Variants in CLSPN observed in about 807,000 individuals in gnomAD.
CLSPN encodes the protein claspin homolog.
Under a neutral mutation model 156.3 loss-of-function variants are expected in CLSPN, and 85 were observed. The observed-to-expected ratio is 0.54, with a 90% CI of 0.46 to 0.65. The LOEUF is 0.65. Among genes scored for constraint, CLSPN ranks in the 30% least tolerant of loss-of-function variants. CLSPN has a pLI of 0.00. For missense variants in CLSPN, 1,407 were observed against 1,554.9 expected (o/e 0.90, Z 1.60); for synonymous variants, 534 against 542.4 (o/e 0.98, Z 0.22).
downstream of CLSPN, among the ~76,000 whole-genome samples, chr1:35,728,591 A>G (rs1399657989): frequency 6.6e-6 from 1 of 152,234 alleles, no homozygotes; most frequent in East Asian, 1.9e-4. Context: ...TCTTTGGAAC[A>G]ATAACATTGA....
intron 1 of CLSPN, among the ~76,000 whole-genome samples, chr1:35,768,342 T>A (rs932353621): frequency 4.0e-5 from 6 of 151,212 alleles, no homozygotes; most frequent in African/African-American, 1.5e-4. Context: ...CACTCCAGTC[T>A]GGGCAACAGA....
At chr1:35,763,801 T>TG (rs1401025362) in intron 3 of CLSPN, among the ~76,000 whole-genome samples, 2 of 151,490 alleles carry the variant, frequency 1.3e-5, no homozygotes, top group African/African-American at 4.8e-5. Flanking sequence ...GTTTTTGTTT[T>TG]TTTTTTTTTT....
chr1:35,762,522 C>G, intron 4 of CLSPN, 41 bp from the exon 5 acceptor site: 1 of 1,496,974 alleles, frequency 6.7e-7, no homozygotes, highest in Non-Finnish European at 9.3e-7. Context: ...AAACGAAATT[C>G]AAATAAGAGG....
rs1453694527 is a variant in CLSPN at position 35,760,740 on chromosome 1, T to C, written c.1181A>G (p.Asp394Gly). 6.2e-7 allele frequency: 1 copy of C among 1,614,054 alleles called. No individual in the cohort carries two copies. Residue 394 changes from aspartate (D) to glycine (G), a missense_variant, in exon 8 of 25, where the codon GAT becomes GGT. Asp to Gly is a moderately conservative substitution (Grantham distance 94). Around this residue, in one of 3 missense-constraint regions of CLSPN, gnomAD observed 1,096 missense variants for 1,193.0 expected, o/e 0.92. Transcript: ENST00000318121. ...TACCAAATCCTTCCTGCAAGACTCA[T>C]CTGATCCAGTAATGATCTGGGTTTC... ...SKETQIITGS[D>G]ESCRKDLVKN... is the part of the protein sequence containing the mutation.
chr1:35,744,413 C>T (rs543880942), intron 16 of CLSPN, among the ~76,000 whole-genome samples: 1 of 152,262 alleles, frequency 6.6e-6, no homozygotes, highest in South Asian at 2.1e-4. Flanking sequence ...GCAATTCTCC[C>T]ACCTCAGCCC....
chr1:35,742,177 G>A (rs565601617), intron 18 of CLSPN, among the ~76,000 whole-genome samples: 92 of 152,228 alleles, frequency 6.0e-4, no homozygotes, highest in Non-Finnish European at 1.0e-3. Context: ...AGCTACTTGG[G>A]AAGCTGAGGC....
chr1:35,723,533 G>A (rs1342254806), intron 24 of CLSPN, among the ~76,000 whole-genome samples: 1 of 152,200 alleles, frequency 6.6e-6, no homozygotes, highest in Non-Finnish European at 1.5e-5. Flanking sequence ...AGAAAGGGGT[G>A]GGTAAGATCA....
intron 8 of CLSPN, among the ~76,000 whole-genome samples, chr1:35,755,184 C>A (rs918677460): frequency 2.6e-5 from 4 of 152,120 alleles, no homozygotes; most frequent in African/African-American, 9.7e-5. Context: ...TAGCCTCAAT[C>A]TCCCCAAGCT....
chr1:35,752,633 A>G (rs572560590), intron 9 of CLSPN, among the ~76,000 whole-genome samples: 1 of 149,858 alleles, frequency 6.7e-6, no homozygotes, highest in Admixed American at 6.7e-5. Context: ...AGTAGATCTG[A>G]GCTCTGGAGT....
intron 18 of CLSPN, among the ~76,000 whole-genome samples, chr1:35,742,743 C>CTTTTTT (rs563818822): frequency 1.5e-5 from 2 of 130,588 alleles, no homozygotes; most frequent in African/African-American, 2.8e-5. Context: ...AAGTGATCAA[C>CTTTTTT]TTTTTTTTTT....
chr1:35,742,856 C>T (rs1641743211), intron 18 of CLSPN, among the ~76,000 whole-genome samples: 1 of 151,442 alleles, frequency 6.6e-6, no homozygotes, highest in African/African-American at 2.4e-5. Context: ...AAGCGATTCT[C>T]CCTGCCTCAG....
chr1:35,732,880 A>T lies in CLSPN; in HGVS notation c.*3616T>A, dbSNP rs1381213509. 2 of 985,454 alleles carry T rather than the reference A, an allele frequency of 2.0e-6. No individual in the cohort carries two copies. Among genetic ancestry groups the T allele is most frequent in the East Asian group, 2.3e-4 (2 of 8,822 alleles). 61.0% of individuals were successfully genotyped at this position (985,454 alleles called of 1,614,324 possible). A position where few individuals can be genotyped will look rare whatever the true frequency, so the allele number is the denominator to read the frequency against. On this transcript the variant is annotated 3_prime_UTR_variant, in exon 25 of 25. Transcript: ENST00000318121. ...ACTTTATAGCAGCCATCCTGGCATA[A>T]GGAAAAGTAACCCAGAGTTTGACTC...
Position 35,732,723 on chromosome 1 carries a change from G to A in CLSPN, c.*3773C>T. On this transcript the variant is annotated 3_prime_UTR_variant, in exon 25 of 25. Transcript: ENST00000318121. Reference sequence around the variant, plus strand: ...AAGCTGAGTCCTCCTCAGAGCCATAGTGGCAGGTCCTGGGGCTTCAATTTC... The same window carrying A: ...AAGCTGAGTCCTCCTCAGAGCCATAATGGCAGGTCCTGGGGCTTCAATTTC... 1 of 985,402 alleles carries A rather than the reference G, an allele frequency of 1.0e-6. No homozygotes were observed. The highest frequency in any genetic ancestry group is 1.2e-6 in the Non-Finnish European group (1 of 829,930). 61.0% of individuals were successfully genotyped at this position (985,402 alleles called of 1,614,324 possible).
chr1:35,722,189 G>A (rs1171203990), intron 24 of CLSPN, among the ~76,000 whole-genome samples: 3 of 150,788 alleles, frequency 2.0e-5, no homozygotes, highest in Non-Finnish European at 4.4e-5. Flanking sequence ...GTGCTCTGCA[G>A]GGCAGCACCC....
At chr1:35,765,181 G>A (rs1476157252) in intron 2 of CLSPN, 37 bp downstream of exon 2, 12 of 1,321,766 alleles carry the variant, frequency 9.1e-6, no homozygotes, top group Admixed American at 3.5e-5. Context: ...TGAGGCTCCC[G>A]CAACCTATTC....
In CLSPN at chr1:35,746,828, C is replaced by G. The variant is rs761132042; in HGVS notation, c.2792G>C (p.Ser931Thr). 6 of 1,614,174 alleles carry G rather than the reference C, an allele frequency of 3.7e-6. No individual in the cohort carries two copies. The highest frequency in any genetic ancestry group is 1.3e-5 in the African/African-American group (1 of 75,034). The change falls in exon 15 of 25, where the codon AGT becomes ACT. Residue 931 changes from serine to threonine, a missense_variant. Around this residue, in one of 3 missense-constraint regions of CLSPN, gnomAD observed 1,096 missense variants for 1,193.0 expected, o/e 0.92. Coordinates refer to ENST00000318121, the MANE Select transcript of CLSPN (RefSeq NM_022111.4). This position sits in a 1 kb window ranked among gnomAD's most constrained non-coding sequence, Gnocchi z 4.2. The stretch of plus-strand genomic sequence containing the variant: ...TTCCTCCATGTTCTCTTTCTTGTCA[C>G]TCTTCCTGGGTAGATGTTTTTCAGC... ...SQAEKHLPRKSDKKENMEELL... is the reference protein window; with the variant it reads ...SQAEKHLPRKTDKKENMEELL...
In CLSPN at chr1:35,760,631, C is replaced by T; in HGVS notation, c.1290G>A (p.Gln430=). ...GATTGTTCCCGAGGAAGTTGGATTCCTGTTGCAACACTGAGCTGTCCCCAG... is the reference window on the plus strand; with the variant it reads ...GATTGTTCCCGAGGAAGTTGGATTCTTGTTGCAACACTGAGCTGTCCCCAG... ...PSPGDSSVLQ[Q]ESNFLGNNHS... is the part of the protein sequence containing the mutation. The change falls in exon 8 of 25, where the codon CAG becomes CAA. Residue 430 remains glutamine (Q), a synonymous_variant. Coordinates refer to ENST00000318121, the MANE Select transcript of CLSPN (RefSeq NM_022111.4). 1.2e-6 allele frequency: 2 copies of T among 1,614,220 alleles called. No homozygotes were observed. The highest frequency in any genetic ancestry group is 1.7e-6 in the Non-Finnish European group (2 of 1,180,040).
chr1:35,764,466 C>T lies in CLSPN; in HGVS notation c.382G>A (p.Val128Met). The T allele has an allele frequency of 6.2e-7, 1 of 1,614,146 alleles. No individual in the cohort carries two copies. Among genetic ancestry groups the T allele is most frequent in the Non-Finnish European group, 8.5e-7 (1 of 1,180,028 alleles). ...SLYQENLEAQ[V>M]KPCLELSLQS... ...AGACTCAGCTCTAAGCAAGGTTTCACTTGCGCTTCAAGATTTTCCTGATAC... is the reference window on the plus strand; with the variant it reads ...AGACTCAGCTCTAAGCAAGGTTTCATTTGCGCTTCAAGATTTTCCTGATAC... Residue 128 changes from valine (V) to methionine (M), a missense_variant, in exon 3 of 25, where the codon GTG (valine) becomes ATG (methionine). By Grantham distance (21) the Val-to-Met change is conservative. This residue lies in a region of CLSPN where 1,096 missense variants were observed against 1,193.0 expected (regional missense o/e 0.92). Coordinates refer to ENST00000318121, the MANE Select transcript of CLSPN (RefSeq NM_022111.4).
Position 35,751,414 on chromosome 1 carries a change from A to T in CLSPN, c.1864T>A (p.Leu622Ile), listed in dbSNP as rs931974509. The T allele has an allele frequency of 3.1e-6, 5 of 1,613,746 alleles. No individual in the cohort carries two copies. Among genetic ancestry groups the T allele is most frequent in the Non-Finnish European group, 3.4e-6 (4 of 1,179,972 alleles). Residue 622 changes from leucine to isoleucine, a missense_variant, in exon 10 of 25, where the codon TTA (leucine) becomes ATA (isoleucine). By Grantham distance (5) the Leu-to-Ile change is conservative. This residue lies in a region of CLSPN where 1,096 missense variants were observed against 1,193.0 expected (regional missense o/e 0.92). Transcript: ENST00000318121. Reference protein sequence around the residue: ...ERQKRQALFKLDNEDGFEEEE... With the variant: ...ERQKRQALFKIDNEDGFEEEE... ...TCCTCAAACCCATCTTCATTATCTAATTTAAACAGTGCTTGGCGCTTCTGG... is the reference window on the plus strand; with the variant it reads ...TCCTCAAACCCATCTTCATTATCTATTTTAAACAGTGCTTGGCGCTTCTGG...
Sources: gnomAD v4.1 joint callset for allele counts (sites outside exome capture counted in the v4.1 genomes callset) on GRCh38, gnomAD v4.1.1 for gene constraint, gnomAD v4.1.1 regional missense constraint, Gnocchi (gnomAD v3.1) non-coding constraint, MANE v1.5 for transcripts, NCBI Gene and HGNC (gene_info 2026-07-23, HGNC 2026-07-21) for gene names.